SH3BGR: variants seen among roughly 807,000 people sequenced by gnomAD.
The protein encoded by SH3BGR is SH3 domain binding glutamate rich protein, also known as SH3 domain-binding glutamic acid-rich protein.
Under a neutral mutation model 24.5 loss-of-function variants are expected in SH3BGR, and 29 were observed. The ratio of observed to expected loss-of-function variants is 1.18; its 90% CI spans 0.88 to 1.61. The LOEUF is 1.61. Ranked by LOEUF, SH3BGR falls within the 40% of genes most tolerant of loss-of-function variation. The pLI is 0.00. For synonymous variants in SH3BGR, 55 were observed against 65.7 expected, an observed-to-expected ratio of 0.84 and a Z score of 0.79; for missense variants, 162 against 205.8, an observed-to-expected ratio of 0.79 and a Z score of 1.30.
chr21:39,462,873 A>C (rs2077777301), intron 2 of SH3BGR, among the ~76,000 whole-genome samples: 1 of 152,244 alleles, frequency 6.6e-6, no homozygotes, highest in African/African-American at 2.4e-5. Context: ...TCAGCCTTGC[A>C]GTGTGCACAC....
At chr21:39,456,195 T>C (rs568845863) in intron 1 of SH3BGR, among the ~76,000 whole-genome samples, 2 of 152,356 alleles carry the variant, frequency 1.3e-5, no homozygotes, top group African/African-American at 4.8e-5. Context: ...CTGGGCCAGC[T>C]GCCTCCCAGG....
intron 6 of SH3BGR, 115 bp from the exon 7 acceptor site, chr21:39,514,973 G>T: frequency 2.9e-6 from 1 of 341,064 alleles, no homozygotes. Context: ...ATGACTAGTG[G>T]TTTATAGAAT....
intron 2 of SH3BGR, among the ~76,000 whole-genome samples, chr21:39,469,169 A>T (rs1199985148): frequency 6.6e-6 from 1 of 151,912 alleles, no homozygotes; most frequent in African/African-American, 2.4e-5. Context: ...GAAATTTCCC[A>T]TGTACCCCCT....
intron 2 of SH3BGR, among the ~76,000 whole-genome samples, chr21:39,466,616 CCTT>C (rs2077847351): frequency 6.6e-6 from 1 of 152,164 alleles, no homozygotes; most frequent in African/African-American, 2.4e-5. Context: ...GGAAGCATGC[CCTT>C]CTTCACATGA....
intron 4 of SH3BGR, among the ~76,000 whole-genome samples, chr21:39,504,149 A>C (rs138773211): frequency 6.6e-6 from 1 of 152,316 alleles, no homozygotes; most frequent in African/African-American, 2.4e-5. Context: ...CAGTCATCCT[A>C]TCTGAAAGTC....
intron 2 of SH3BGR, among the ~76,000 whole-genome samples, chr21:39,471,518 A>G (rs1449478015): frequency 6.6e-6 from 1 of 152,182 alleles, no homozygotes; most frequent in Non-Finnish European, 1.5e-5. Flanking sequence ...CCTATAAGAC[A>G]TCTGTTAGCT....
chr21:39,496,506 C>CAAAA (rs56909090), intron 3 of SH3BGR, among the ~76,000 whole-genome samples: 2 of 103,074 alleles, frequency 1.9e-5, no homozygotes, highest in Non-Finnish European at 3.9e-5. Context: ...GACTCCGTCT[C>CAAAA]AAAAAAAAAA....
chr21:39,462,273 T>G, intron 1 of SH3BGR, 102 bp from the exon 2 acceptor site: 1 of 781,132 alleles, frequency 1.3e-6, no homozygotes, highest in Non-Finnish European at 2.1e-6. Context: ...CTTAACAAAA[T>G]TATTTGTGTT....
At chr21:39,467,227 A>C (rs1019004908) in intron 2 of SH3BGR, among the ~76,000 whole-genome samples, 2 of 152,082 alleles carry the variant, frequency 1.3e-5, no homozygotes, top group African/African-American at 4.8e-5. Flanking sequence ...TTTCAAAGTC[A>C]TCTCTTATCC....
intron 3 of SH3BGR, among the ~76,000 whole-genome samples, chr21:39,478,430 G>A (rs1337332546): frequency 1.3e-5 from 2 of 152,082 alleles, no homozygotes; most frequent in African/African-American, 4.8e-5. Flanking sequence ...GCCTATTTTT[G>A]TCTTTCCCAA....
intron 3 of SH3BGR, 118 bp downstream of exon 3, chr21:39,475,333 CA>C: frequency 1.5e-6 from 1 of 650,872 alleles, no homozygotes; most frequent in Non-Finnish European, 2.7e-6. Flanking sequence ...TACTTTAGTA[CA>C]CTTCTTATTC....
rs141194212 is a variant in SH3BGR at position 39,466,334 on chromosome 21, C to T, written c.231+3774C>T. On this transcript the variant is annotated intron_variant, in intron 2 of 6. Transcript: ENST00000333634. ...GTAAATTGAACATCTTTTAAAACTA[C>T]ATTTATAAATTATCTGTGCTTTTTC... 2.0e-3 allele frequency among the ~76,000 whole-genome samples: 304 copies of T among 152,306 alleles called. 1 individual carries two copies. Among genetic ancestry groups the T allele is most frequent in the African/African-American group, 7.1e-3 (296 of 41,566 alleles).
Position 39,511,610 on chromosome 21 carries a change from A to T in SH3BGR, c.436-70A>T, listed in dbSNP as rs77298147. On this transcript the variant is annotated intron_variant, in intron 5 of 6. Coordinates refer to ENST00000333634, the MANE Select transcript of SH3BGR (RefSeq NM_007341.3). The surrounding 1 kb of genome is among the most constrained non-coding windows in gnomAD (Gnocchi z 4.2). ...GCTTTGACCTCTAGTCCAGCATTTT[A>T]CAGTCTTTTTCTCACTGTATCCTTG... 87,588 of 1,515,546 alleles carry T rather than the reference A, an allele frequency of 0.058. 3,414 individuals are homozygous for T. The highest frequency in any genetic ancestry group is 0.17 in the African/African-American group (12,513 of 71,546). The allele number at this position is 1,515,546 out of a possible 1,614,324, so 93.9% of individuals were successfully genotyped here. A position where few individuals can be genotyped will look rare whatever the true frequency, so the allele number is the denominator to read the frequency against.
At position 39,468,889 on chromosome 21, in the gene SH3BGR, T is replaced by G. The variant is rs143826302; in HGVS notation, c.232-6246T>G. On this transcript the variant is annotated intron_variant, in intron 2 of 6. Coordinates refer to ENST00000333634, the MANE Select transcript of SH3BGR (RefSeq NM_007341.3). ...CCTCTTGTTCATCTGGGAAGCTTGCTAGGCTTGGGTTCTTCTCTGTGGGAA... is the reference window on the plus strand; with the variant it reads ...CCTCTTGTTCATCTGGGAAGCTTGCGAGGCTTGGGTTCTTCTCTGTGGGAA... 7.8e-3 allele frequency among the ~76,000 whole-genome samples: 1,193 copies of G among 152,342 alleles called. 4 individuals are homozygous for G. The highest frequency in any genetic ancestry group is 0.013 in the Non-Finnish European group (859 of 68,034).
chr21:39,449,589 G>T (rs1030854348), upstream of SH3BGR, among the ~76,000 whole-genome samples: 6 of 152,248 alleles, frequency 3.9e-5, no homozygotes, highest in South Asian at 1.0e-3. Context: ...TCTTTCAGCT[G>T]GAGTTTTCAG....
chr21:39,465,698 C>G (rs1195297331), intron 2 of SH3BGR, among the ~76,000 whole-genome samples: 2 of 152,132 alleles, frequency 1.3e-5, no homozygotes, highest in Non-Finnish European at 2.9e-5. Flanking sequence ...TCAAGCGATC[C>G]TCCTGTGTCA....
intron 3 of SH3BGR, among the ~76,000 whole-genome samples, chr21:39,486,575 A>G (rs908178516): frequency 2.0e-5 from 3 of 152,208 alleles, no homozygotes; most frequent in East Asian, 1.9e-4. Flanking sequence ...GGAATTCCCA[A>G]TCGAAAAACA....
intron 1 of SH3BGR, among the ~76,000 whole-genome samples, chr21:39,455,339 G>A (rs1269226602): frequency 6.6e-6 from 1 of 152,252 alleles, no homozygotes; most frequent in Admixed American, 6.5e-5. Flanking sequence ...CCCAGATCCT[G>A]TAGAGCCACT....
chr21:39,492,466 GTATATA>G (rs575260270), intron 3 of SH3BGR, among the ~76,000 whole-genome samples: 1 of 139,728 alleles, frequency 7.2e-6, no homozygotes, highest in East Asian at 2.0e-4. Context: ...GTGTGTGTGT[GTATATA>G]TATATATATA....
Sources: gnomAD v4.1 joint callset for allele counts (sites outside exome capture counted in the v4.1 genomes callset) on GRCh38, gnomAD v4.1.1 for gene constraint, Gnocchi (gnomAD v3.1) non-coding constraint, MANE v1.5 for transcripts, NCBI Gene and HGNC (gene_info 2026-07-23, HGNC 2026-07-21) for gene names.